PBXIP1: variants seen among roughly 807,000 people sequenced by gnomAD.
The protein encoded by PBXIP1 is PBX homeobox interacting protein 1.
A neutral mutation model predicts 73.7 loss-of-function variants in PBXIP1; 73 were observed. The ratio of observed to expected loss-of-function variants is 0.99; its 90% CI spans 0.82 to 1.20. The LOEUF (loss-of-function observed/expected upper bound fraction) is 1.20, where lower values mean the gene tolerates loss of function less well. Among genes scored for constraint, PBXIP1 ranks in the 50% most tolerant of loss-of-function variants. PBXIP1 has a pLI of 0.00. For missense variants in PBXIP1, 818 were observed against 911.4 expected, an observed-to-expected ratio of 0.90 and a Z score of 1.32; for synonymous variants, 330 against 366.9, an observed-to-expected ratio of 0.90 and a Z score of 1.15.
In PBXIP1 at chr1:154,944,972, G is replaced by T; in HGVS notation, c.*52C>A. 1 of 1,434,426 alleles carries T rather than the reference G, an allele frequency of 7.0e-7. No homozygotes were observed. The highest frequency in any genetic ancestry group is 9.8e-7 in the Non-Finnish European group (1 of 1,018,108). 88.9% of individuals were successfully genotyped at this position (1,434,426 alleles called of 1,614,324 possible). A position where few individuals can be genotyped will look rare whatever the true frequency, so the allele number is the denominator to read the frequency against. ...GTCCACCCTCCAGGAGTTAGATAAC[G>T]CTGGGATCTTGGGCTGGGCCAGGCC... On this transcript the variant is annotated 3_prime_UTR_variant, in exon 11 of 11. Coordinates refer to ENST00000368463, the MANE Select transcript of PBXIP1 (RefSeq NM_020524.4).
Position 154,951,336 on chromosome 1 carries a change from T to A in PBXIP1, c.305A>T (p.Gln102Leu), listed in dbSNP as rs967607480. The A allele has an allele frequency of 6.2e-7, 1 of 1,614,106 alleles. No individual in the cohort carries two copies. Residue 102 changes from glutamine to leucine, a missense_variant, in exon 5 of 11, where the codon CAG becomes CTG. Coordinates refer to ENST00000368463, the MANE Select transcript of PBXIP1 (RefSeq NM_020524.4). The surrounding 1 kb of genome is among the most constrained non-coding windows in gnomAD (Gnocchi z 4.3). ...EPPGPGDTVV[Q>L]GDLQETTVVT... ...CACGGTGGTCTCCTGCAGGTCTCCC[T>A]GGACTACTGTGTCTCCTGGGCCAGG...
intron 1 of PBXIP1, among the ~76,000 whole-genome samples, chr1:154,955,261 G>T (rs1655142457): frequency 6.6e-6 from 1 of 151,872 alleles, no homozygotes. Context: ...CCCATCCCCA[G>T]TTGCTGACTG....
In PBXIP1 at chr1:154,945,972, G is replaced by C; in HGVS notation, c.1702C>G (p.His568Asp). The C allele has an allele frequency of 1.9e-6, 3 of 1,614,058 alleles. No homozygotes were observed. The highest frequency in any genetic ancestry group is 2.5e-6 in the Non-Finnish European group (3 of 1,179,934). The change falls in exon 10 of 11, where the codon CAT becomes GAT. Residue 568 changes from histidine (H) to aspartate (D), a missense_variant. Physicochemically the swap from His to Asp is moderately conservative, Grantham distance 81. Transcript: ENST00000368463. ...TCTGCCCAGGATGGCAGGGGGTCAT[G>C]GCTGTCCTTAGTCCCTTCCCTCCAC... The part of the protein sequence containing the change: ...PRWREGTKDS[H>D]DPLPSWAELL...
At position 154,946,446 on chromosome 1, in the gene PBXIP1, G is replaced by A; in HGVS notation, c.1228C>T (p.Gln410Ter). The change falls in exon 10 of 11, where the codon CAG (glutamine) becomes TAG (stop). Residue 410 changes from glutamine to a stop codon, truncating the protein, a stop_gained. Transcript: ENST00000368463. LOFTEE classifies it high-confidence loss of function. ...RQRRLLGSVQ[Q>*]DLERSLQDAS... ...TCCTGCAAGCTCCTCTCCAGATCCT[G>A]CTGTACAGACCCCAGCAGCCGTCGC... 1 of 1,609,228 alleles carries A rather than the reference G, an allele frequency of 6.2e-7. No individual in the cohort carries two copies.
In PBXIP1 at chr1:154,946,071, G is replaced by T. The variant is rs200974199; in HGVS notation, c.1603C>A (p.Arg535=). 1.2e-6 allele frequency: 2 copies of T among 1,614,092 alleles called. No homozygotes were observed. The highest frequency in any genetic ancestry group is 1.7e-6 in the Non-Finnish European group (2 of 1,180,002). Residue 535 remains arginine (R), a synonymous_variant, in exon 10 of 11, where the codon CGA becomes AGA. Coordinates refer to ENST00000368463, the MANE Select transcript of PBXIP1 (RefSeq NM_020524.4). ...CTTGGGGGTTCCTTCGGGCCCTGTC[G>T]CTTGCCCTCCTTCTTGCTCCCCGAC... is the stretch of plus-strand genomic sequence containing the variant. ...EESGSKKEGK[R]QGPKEPPRKS...
rs1190914990 is a variant in PBXIP1, at chr1:154,951,207, C to G, written c.409+25G>C. The G allele has an allele frequency of 6.8e-6, 11 of 1,605,868 alleles. No individual in the cohort carries two copies. Among genetic ancestry groups the G allele is most frequent in the South Asian group, 1.1e-5 (1 of 90,844 alleles). ...CCCATACCTTCTAGAAGGAGAGTGA[C>G]AGGAGAGGCAAGGAAGACTCTCACC... On this transcript the variant is annotated intron_variant, in intron 5 of 10. Coordinates refer to ENST00000368463, the MANE Select transcript of PBXIP1 (RefSeq NM_020524.4). The surrounding 1 kb of genome is among the most constrained non-coding windows in gnomAD (Gnocchi z 4.3).
Position 154,951,467 on chromosome 1 carries a change from T to C in PBXIP1, c.243+4A>G. On this transcript the variant is annotated splice_donor_region_variant and intron_variant, in intron 4 of 10. Coordinates refer to ENST00000368463, the MANE Select transcript of PBXIP1 (RefSeq NM_020524.4). The surrounding 1 kb of genome is among the most constrained non-coding windows in gnomAD (Gnocchi z 4.3). The stretch of plus-strand genomic sequence containing the variant: ...CCCTTCCTTCCCACAGCAAATCTCC[T>C]CACCTTGACCTCAGTCTCCTCTGTT... The C allele has an allele frequency of 6.2e-7, 1 of 1,613,990 alleles. No homozygotes were observed.
intron 5 of PBXIP1, among the ~76,000 whole-genome samples, chr1:154,949,495 C>A (rs956509382): frequency 2.6e-5 from 4 of 152,052 alleles, no homozygotes; most frequent in Admixed American, 6.5e-5. Context: ...ACACAGGGAT[C>A]CCCAAATTCC....
chr1:154,948,634 G>A (rs1449792169), intron 5 of PBXIP1, among the ~76,000 whole-genome samples: 3 of 152,092 alleles, frequency 2.0e-5, no homozygotes, highest in Admixed American at 6.5e-5. Context: ...CTCAGTGTGC[G>A]CTGTGCATCA....
rs780958262 is a variant in PBXIP1 at position 154,945,566 on chromosome 1, G to T, written c.2102+6C>A. 2 of 1,608,424 alleles carry T rather than the reference G, an allele frequency of 1.2e-6. No individual in the cohort carries two copies. The highest frequency in any genetic ancestry group is 1.7e-6 in the Non-Finnish European group (2 of 1,175,616). ...CACCCGACCCAACTCCCCCACAGCT[G>T]CCCACCTCTTCTTCAGTGCTTTGTC... is the stretch of plus-strand genomic sequence containing the variant. On this transcript the variant is annotated splice_donor_region_variant and intron_variant, in intron 10 of 10. Transcript: ENST00000368463.
In PBXIP1 at chr1:154,948,179, G is replaced by A. The variant is rs1654891585; in HGVS notation, c.597C>T (p.Leu199=). 2.5e-6 allele frequency: 4 copies of A among 1,602,820 alleles called. No individual in the cohort carries two copies. Among genetic ancestry groups the A allele is most frequent in the South Asian group, 1.1e-5 (1 of 89,974 alleles). ...GELGISLNMC[L]LGALVLLGLG... ...GGCCAAGCAGAACCAGGGCCCCAAG[G>A]AGGCACATGTTGAGGGAGATGCCCA... Residue 199 remains leucine (L), a synonymous_variant, in exon 6 of 11, where the codon CTC becomes CTT. Transcript: ENST00000368463.
Position 154,946,229 on chromosome 1 carries a change from T to G in PBXIP1, c.1445A>C (p.Gln482Pro), listed in dbSNP as rs762995182. 6.2e-7 allele frequency: 1 copy of G among 1,614,174 alleles called. No homozygotes were observed. Residue 482 changes from glutamine (Q) to proline (P), a missense_variant, in exon 10 of 11, where the codon CAG becomes CCG. Coordinates refer to ENST00000368463, the MANE Select transcript of PBXIP1 (RefSeq NM_020524.4). ...CCAGTGCTCAGCCTTCCGGTCTCTC[T>G]GCCCATCCCACCACTTTTCCTTTCC... ...WSGKEKWWDG[Q>P]RDRKAEHWKH...
At position 154,946,727 on chromosome 1, in the gene PBXIP1, G is replaced by C. The variant is rs1192338126; in HGVS notation, c.947C>G (p.Ala316Gly). 1.2e-6 allele frequency: 2 copies of C among 1,605,322 alleles called. No homozygotes were observed. Among genetic ancestry groups the C allele is most frequent in the African/African-American group, 2.7e-5 (2 of 74,728 alleles). Residue 316 changes from alanine to glycine, a missense_variant, in exon 10 of 11, where the codon GCT (alanine) becomes GGT (glycine). Ala to Gly is a moderately conservative substitution (Grantham distance 60). Transcript: ENST00000368463. ...CTGGAAGGCTTCGCCCTGCTGCAGA[G>C]CCCCCCGGAGCTGGGCATTCTCCTC... ...LEEENAQLRGALQQGEAFQRA... is the reference protein window; with the variant it reads ...LEEENAQLRGGLQQGEAFQRA...
Position 154,945,165 on chromosome 1 carries a change from C to G in PBXIP1, c.2103-48G>C, listed in dbSNP as rs367723584. ...AGGGGACAATACCATGCAATGAAAA[C>G]GGGTTCCCCAAGGAGAGAGGACCCT... On this transcript the variant is annotated intron_variant, in intron 10 of 10. Transcript: ENST00000368463. 8 of 1,448,786 alleles carry G rather than the reference C, an allele frequency of 5.5e-6. No individual in the cohort carries two copies. In the African/African-American group the frequency reaches 1.1e-4, roughly 20 times the overall value. The allele number at this position is 1,448,786 out of a possible 1,614,324, so 89.7% of individuals were successfully genotyped here. A position where few individuals can be genotyped will look rare whatever the true frequency, so the allele number is the denominator to read the frequency against.
At position 154,946,405 on chromosome 1, in the gene PBXIP1, G is replaced by A; in HGVS notation, c.1269C>T (p.Asp423=). 6.2e-7 allele frequency: 1 copy of A among 1,611,834 alleles called. No homozygotes were observed. Residue 423 remains aspartate, a synonymous_variant, in exon 10 of 11, where the codon GAC becomes GAT. Transcript: ENST00000368463. ...ERSLQDASRG[D]PAHAGLAELG... ...GCTCAGCCAAGCCAGCATGAGCTGG[G>A]TCCCCGCGGCTGGCATCCTGCAAGC...
intron 2 of PBXIP1, among the ~76,000 whole-genome samples, chr1:154,952,305 C>T (rs550061959): frequency 1.2e-4 from 19 of 152,314 alleles, no homozygotes; most frequent in African/African-American, 4.3e-4. Flanking sequence ...CCACGGGTCA[C>T]AGTTATGCCT....
rs1654747453 is a variant in PBXIP1, at chr1:154,944,879, G to T, written c.*145C>A. 7.6e-6 allele frequency: 5 copies of T among 654,850 alleles called. No homozygotes were observed. The South Asian group carries it at 9.1e-5, about 12-fold the overall frequency. The allele number at this position is 654,850 out of a possible 1,614,324, so 40.6% of individuals were successfully genotyped here. A position where few individuals can be genotyped will look rare whatever the true frequency, so the allele number is the denominator to read the frequency against. Reference sequence around the variant, plus strand: ...CCTTTTTCTACATAAAGTGACATCAGTGCAGGGCTGGTGATTTTGCTCTAC... The same window carrying T: ...CCTTTTTCTACATAAAGTGACATCATTGCAGGGCTGGTGATTTTGCTCTAC... On this transcript the variant is annotated 3_prime_UTR_variant, in exon 11 of 11. Coordinates refer to ENST00000368463, the MANE Select transcript of PBXIP1 (RefSeq NM_020524.4).
At position 154,944,374 on chromosome 1, in the gene PBXIP1, G is replaced by C. The variant is rs1384797066; in HGVS notation, c.*650C>G. ...ACAAGGGGGCAAGTACCAGTGCCTG[G>C]GATGGACCCATCCATTCAGGCAGGG... On this transcript the variant is annotated 3_prime_UTR_variant, in exon 11 of 11. Transcript: ENST00000368463. 6.6e-6 allele frequency: 1 copy of C among 152,582 alleles called. No homozygotes were observed. Among genetic ancestry groups the C allele is most frequent in the Non-Finnish European group, 1.5e-5 (1 of 68,272 alleles). 9.5% of individuals were successfully genotyped at this position (152,582 alleles called of 1,614,324 possible). A position where few individuals can be genotyped will look rare whatever the true frequency, so the allele number is the denominator to read the frequency against.
Position 154,948,261 on chromosome 1 carries a change from G to T in PBXIP1, c.515C>A (p.Pro172His). ...GTTCTCCACAGCCAGGGGCACCATG[G>T]GCTGAGGTGGGCCGGCCTCCCGGCC... ...RRGREAGPPQ[P>H]MVPLAVENQA... Residue 172 changes from proline (P) to histidine (H), a missense_variant, in exon 6 of 11, where the codon CCC becomes CAC. Coordinates refer to ENST00000368463, the MANE Select transcript of PBXIP1 (RefSeq NM_020524.4). 6.2e-7 allele frequency: 1 copy of T among 1,611,746 alleles called. No individual in the cohort carries two copies. The highest frequency in any genetic ancestry group is 8.5e-7 in the Non-Finnish European group (1 of 1,179,168).
Sources: gnomAD v4.1 joint callset for allele counts (sites outside exome capture counted in the v4.1 genomes callset) on GRCh38, gnomAD v4.1.1 for gene constraint, Gnocchi (gnomAD v3.1) non-coding constraint, MANE v1.5 for transcripts, NCBI Gene and HGNC (gene_info 2026-07-23, HGNC 2026-07-21) for gene names.